CRYBG3: variants seen among roughly 807,000 people sequenced by gnomAD.
CRYBG3 encodes crystallin beta-gamma domain containing 3.
CRYBG3 carries 127 observed loss-of-function variants against 244.2 expected under a neutral mutation model. The ratio of observed to expected loss-of-function variants is 0.52; its 90% CI spans 0.45 to 0.60. The LOEUF (loss-of-function observed/expected upper bound fraction) is 0.60. CRYBG3 is among the 20% of genes least tolerant of loss of function. CRYBG3 has a pLI of 0.00. For missense variants in CRYBG3, 3,325 were observed against 3,442.5 expected (o/e 0.97, Z 0.85); for synonymous variants, 1,132 against 1,195.8 (o/e 0.95, Z 1.10).
intron 8 of CRYBG3, among the ~76,000 whole-genome samples, chr3:97,887,156 C>A (rs1412874077): frequency 6.6e-6 from 1 of 152,106 alleles, no homozygotes; most frequent in East Asian, 1.9e-4. Context: ...TCCTCTGTTC[C>A]TGAAAGGCAG....
chr3:97,840,833 C>A (rs1038824420), intron 1 of CRYBG3: 2 of 151,990 alleles, frequency 1.3e-5, no homozygotes, highest in African/African-American at 4.8e-5. Context: ...ATTCACTTGT[C>A]AAGGTCAGCA....
At chr3:97,844,623 G>A (rs555209822) in intron 2 of CRYBG3, among the ~76,000 whole-genome samples, 1 of 152,066 alleles carries the variant, frequency 6.6e-6, no homozygotes, top group Admixed American at 6.6e-5. Flanking sequence ...ATACCTGCTG[G>A]CTTATTTTAG....
intron 3 of CRYBG3, among the ~76,000 whole-genome samples, chr3:97,866,876 G>A (rs1003062435): frequency 2.0e-5 from 3 of 152,132 alleles, no homozygotes; most frequent in African/African-American, 7.2e-5. Flanking sequence ...TCTTGATTTA[G>A]GAGGAAAGGA....
chr3:97,880,996 A>C, intron 6 of CRYBG3, 76 bp from the exon 7 acceptor site: 1 of 1,219,810 alleles, frequency 8.2e-7, no homozygotes, highest in Non-Finnish European at 1.1e-6. Flanking sequence ...TTAAGTAGAC[A>C]AAATGGTCTG....
chr3:97,872,876 A>G lies in CRYBG3; in HGVS notation c.1682A>G (p.Gln561Arg). ...GAGTCATTACCCAAAGATACTGACC[A>G]ATACTTTGAAACCAAAGCCAAAAAG... ...KIESLPKDTDQYFETKAKKLD... is the reference protein window; with the variant it reads ...KIESLPKDTDRYFETKAKKLD... The change falls in exon 4 of 22, where the codon CAA (glutamine) becomes CGA (arginine). Residue 561 changes from glutamine to arginine, a missense_variant. By Grantham distance (43) the Gln-to-Arg change is conservative (BLOSUM62 1). Coordinates refer to ENST00000389622, the MANE Select transcript of CRYBG3 (RefSeq NM_153605.4). The G allele has an allele frequency of 4.6e-6, 7 of 1,533,678 alleles. No individual in the cohort carries two copies. The highest frequency in any genetic ancestry group is 6.1e-6 in the Non-Finnish European group (7 of 1,146,254).
chr3:97,913,481 C>T (rs1391141682), intron 16 of CRYBG3, among the ~76,000 whole-genome samples: 2 of 152,162 alleles, frequency 1.3e-5, no homozygotes, highest in African/African-American at 4.8e-5. Context: ...AATACACAAA[C>T]CAATAGGCAC....
intron 1 of CRYBG3, among the ~76,000 whole-genome samples, chr3:97,836,443 A>G (rs1199054471): frequency 6.6e-6 from 1 of 152,102 alleles, no homozygotes; most frequent in African/African-American, 2.4e-5. Context: ...GTGAATGGAC[A>G]GTTTTCCAGA....
At chr3:97,914,540 C>T (rs137948600) in intron 16 of CRYBG3, among the ~76,000 whole-genome samples, 1 of 152,160 alleles carries the variant, frequency 6.6e-6, no homozygotes, top group Non-Finnish European at 1.5e-5. Flanking sequence ...GTGTGAGAGA[C>T]CTGGATTTGA....
intron 1 of CRYBG3, among the ~76,000 whole-genome samples, chr3:97,825,851 A>G (rs1014633563): frequency 5.3e-5 from 8 of 152,222 alleles, no homozygotes; most frequent in African/African-American, 1.9e-4. Context: ...GATGACCAGC[A>G]TGGGAGAGCT....
chr3:97,891,039 G>T (rs1186364345), intron 10 of CRYBG3, among the ~76,000 whole-genome samples: 1 of 152,028 alleles, frequency 6.6e-6, no homozygotes, highest in Non-Finnish European at 1.5e-5. Flanking sequence ...AGGAAGTTTT[G>T]TATTTAAATT....
At chr3:97,908,551 C>T (rs751406214) in intron 15 of CRYBG3, among the ~76,000 whole-genome samples, 2 of 152,104 alleles carry the variant, frequency 1.3e-5, no homozygotes, top group Non-Finnish European at 2.9e-5. Flanking sequence ...TCTGTTTTAT[C>T]AGAGACTAGG....
intron 11 of CRYBG3, among the ~76,000 whole-genome samples, chr3:97,893,580 G>A (rs1398467088): frequency 2.6e-5 from 4 of 152,354 alleles, no homozygotes; most frequent in African/African-American, 9.6e-5. Context: ...GGCCTGGGAT[G>A]TACCTTTATA....
chr3:97,864,550 C>T lies in CRYBG3; in HGVS notation c.550C>T (p.Pro184Ser). 6 of 1,535,826 alleles carry T rather than the reference C, an allele frequency of 3.9e-6. No homozygotes were observed. The highest frequency in any genetic ancestry group is 5.2e-6 in the Non-Finnish European group (6 of 1,146,736). ...TGGCTCCCTAAGAACCCAGACACATCCAACAGAAGAACAAGACTCTAACTC... is the reference window on the plus strand; with the variant it reads ...TGGCTCCCTAAGAACCCAGACACATTCAACAGAAGAACAAGACTCTAACTC... ...FSGSLRTQTH[P>S]TEEQDSNSSE... Residue 184 changes from proline (P) to serine (S), a missense_variant, in exon 3 of 22, where the codon CCA becomes TCA. Transcript: ENST00000389622.
chr3:97,931,075 A>G (rs1473857115), intron 17 of CRYBG3, among the ~76,000 whole-genome samples: 3 of 152,018 alleles, frequency 2.0e-5, no homozygotes, highest in Non-Finnish European at 4.4e-5. Context: ...AAGCATGCTC[A>G]TAGGCCACTA....
chr3:97,890,350 G>A (rs1318443287), intron 10 of CRYBG3, among the ~76,000 whole-genome samples: 10 of 152,176 alleles, frequency 6.6e-5, no homozygotes, highest in Non-Finnish European at 1.3e-4. Flanking sequence ...ACAATTAGCT[G>A]TGAAGCTGTC....
At chr3:97,865,488 C>T (rs748772779) in intron 3 of CRYBG3, among the ~76,000 whole-genome samples, 34 of 152,174 alleles carry the variant, frequency 2.2e-4, no homozygotes, top group Middle Eastern at 3.4e-3. Flanking sequence ...TCGTAGTAAA[C>T]GTGTGATTTA....
rs2039312409 is a variant in CRYBG3 at position 97,872,131 on chromosome 3, A to C, written c.937A>C (p.Lys313Gln). The C allele has an allele frequency of 9.1e-6, 14 of 1,535,930 alleles. No homozygotes were observed. Among genetic ancestry groups the C allele is most frequent in the Middle Eastern group, 3.3e-4 (2 of 6,012 alleles). The stretch of plus-strand genomic sequence containing the variant: ...TGATTGTAGCAAAACAAGTTTCAAC[A>C]AGGAAAATTCTTTGACAAATAACCC... ...DSDCSKTSFN[K>Q]ENSLTNNPEL... The change falls in exon 4 of 22, where the codon AAG becomes CAG. Residue 313 changes from lysine (K) to glutamine (Q), a missense_variant. Around this residue, in one of 4 missense-constraint regions of CRYBG3, gnomAD observed 1,526 missense variants for 1,443.2 expected, o/e 1.06. Coordinates refer to ENST00000389622, the MANE Select transcript of CRYBG3 (RefSeq NM_153605.4).
chr3:97,845,100 A>G (rs1181262366), intron 2 of CRYBG3, among the ~76,000 whole-genome samples: 3 of 152,218 alleles, frequency 2.0e-5, no homozygotes, highest in Non-Finnish European at 4.4e-5. Context: ...TGTTGCTACC[A>G]GGCATCATAA....
intron 7 of CRYBG3, among the ~76,000 whole-genome samples, chr3:97,881,507 G>C (rs1455009813): frequency 1.3e-5 from 2 of 151,476 alleles, no homozygotes; most frequent in Admixed American, 1.3e-4. Flanking sequence ...CCTAAGATTG[G>C]GAGTTCGAGA....
Sources: allele counts gnomAD v4.1 joint callset (sites outside exome capture counted in the v4.1 genomes callset), GRCh38; gene constraint gnomAD v4.1.1; regional missense constraint gnomAD v4.1.1; transcripts MANE v1.5; gene names NCBI Gene and HGNC (gene_info 2026-07-23, HGNC 2026-07-21).